SVIL: variants seen among roughly 807,000 people sequenced by gnomAD.
SVIL encodes the protein supervillin.
Under a neutral mutation model 240.4 loss-of-function variants are expected in SVIL, and 101 were observed. The ratio of observed to expected loss-of-function variants is 0.42; its 90% CI spans 0.36 to 0.50. SVIL has a LOEUF of 0.50. Ranked by LOEUF, SVIL falls within the 20% of genes least tolerant of loss-of-function variation. The pLI, the probability that SVIL is intolerant of heterozygous loss-of-function variation, is 0.01. For synonymous variants in SVIL, 999 were observed against 1,100.0 expected, an observed-to-expected ratio of 0.91 and a Z score of 1.82; for missense variants, 2,512 against 2,818.7, an observed-to-expected ratio of 0.89 and a Z score of 2.46.
chr10:29,733,365 C>T (rs1447609995), intron 1 of SVIL, among the ~76,000 whole-genome samples: 1 of 152,112 alleles, frequency 6.6e-6, no homozygotes, highest in African/African-American at 2.4e-5. Context: ...AGCTCTGTTG[C>T]CCAGGCTGGA....
intron 23 of SVIL, among the ~76,000 whole-genome samples, chr10:29,488,001 A>G (rs1460506882): frequency 6.6e-6 from 1 of 152,150 alleles, no homozygotes; most frequent in Admixed American, 6.5e-5. Flanking sequence ...TCAAGGATTC[A>G]TCTATACAGT....
intron 31 of SVIL, 118 bp from the exon 32 acceptor site, chr10:29,470,601 C>G: frequency 8.6e-7 from 1 of 1,166,216 alleles, no homozygotes; most frequent in Non-Finnish European, 1.2e-6. Context: ...GGGCCAGGGA[C>G]TTAGGGGACT....
intron 1 of SVIL, among the ~76,000 whole-genome samples, chr10:29,581,074 TG>T (rs1348830755): frequency 6.6e-6 from 1 of 152,234 alleles, no homozygotes; most frequent in Non-Finnish European, 1.5e-5. Context: ...ATGATTTTAA[TG>T]AAATCTACTA....
chr10:29,510,491 G>T (rs1300834733), intron 17 of SVIL, among the ~76,000 whole-genome samples: 1 of 149,986 alleles, frequency 6.7e-6, no homozygotes, highest in Non-Finnish European at 1.5e-5. Context: ...TCCACAGACT[G>T]CACACTCACG....
At chr10:29,615,174 G>C (rs911276222) in intron 1 of SVIL, among the ~76,000 whole-genome samples, 5 of 152,038 alleles carry the variant, frequency 3.3e-5, no homozygotes, top group African/African-American at 1.2e-4. Flanking sequence ...TTAAGAAACA[G>C]ACCAAACAAT....
In SVIL at chr10:29,664,683, T is replaced by TAC. The variant is rs1232086098; in HGVS notation, c.-300-6616_-300-6615insGT. On this transcript the variant is annotated intron_variant, in intron 2 of 35. Coordinates refer to the SVIL transcript ENST00000375400. ...ATTTTATATTTCGTAATTTTATATA[T>TAC]ATATATATACACACACACACACACA... 6.2e-4 allele frequency among the ~76,000 whole-genome samples: 88 copies of TAC among 142,184 alleles called. No individual in the cohort carries two copies. In the Middle Eastern group the frequency reaches 0.011, roughly 18 times the overall value. The allele number at this position is 142,184 out of a possible 152,430, so 93.3% of individuals were successfully genotyped here.
chr10:29,584,598 A>G (rs1436909562), intron 1 of SVIL, among the ~76,000 whole-genome samples: 1 of 152,200 alleles, frequency 6.6e-6, no homozygotes, highest in Non-Finnish European at 1.5e-5. Flanking sequence ...TCTCCCCTGT[A>G]TGCAAGCCCA....
intron 1 of SVIL, among the ~76,000 whole-genome samples, chr10:29,570,360 T>G (rs1955330977): frequency 6.6e-6 from 1 of 152,212 alleles, no homozygotes; most frequent in Admixed American, 6.5e-5. Context: ...TCAAGTCACT[T>G]CCCAATAGTG....
At position 29,474,007 on chromosome 10, in the gene SVIL, C is replaced by T. The variant is rs1564471092; in HGVS notation, c.5378-18G>A. Reference sequence around the variant, plus strand: ...ACTTCCCACTGCAAACACAGAATGGCAGAGGGACAGGTCAGCAGCTGAGAC... The same window carrying T: ...ACTTCCCACTGCAAACACAGAATGGTAGAGGGACAGGTCAGCAGCTGAGAC... On this transcript the variant is annotated intron_variant, in intron 29 of 37. Coordinates refer to ENST00000355867, the MANE Select transcript of SVIL (RefSeq NM_021738.3). 1 of 1,610,504 alleles carries T rather than the reference C, an allele frequency of 6.2e-7. No homozygotes were observed. The highest frequency in any genetic ancestry group is 8.5e-7 in the Non-Finnish European group (1 of 1,178,650).
At chr10:29,678,450 G>A (rs1300591582) in intron 2 of SVIL, among the ~76,000 whole-genome samples, 2 of 152,142 alleles carry the variant, frequency 1.3e-5, no homozygotes, top group Non-Finnish European at 2.9e-5. Flanking sequence ...AGGGGGAAAT[G>A]CAAGCAATGG....
chr10:29,620,821 G>T (rs1957604000), intron 1 of SVIL, among the ~76,000 whole-genome samples: 1 of 152,132 alleles, frequency 6.6e-6, no homozygotes, highest in Non-Finnish European at 1.5e-5. Flanking sequence ...GTTTCACCAT[G>T]TTGGCCAGGC....
chr10:29,545,951 C>T (rs1564614746), intron 6 of SVIL, among the ~76,000 whole-genome samples: 1 of 151,858 alleles, frequency 6.6e-6, no homozygotes, highest in African/African-American at 2.4e-5. Context: ...CACATAGTTC[C>T]CTGAGAACAG....
At chr10:29,603,422 G>A (rs1050903687) in intron 1 of SVIL, among the ~76,000 whole-genome samples, 15 of 152,206 alleles carry the variant, frequency 9.9e-5, no homozygotes, top group Non-Finnish European at 4.4e-5. Context: ...ATAAAATGCT[G>A]TATGTACTCA....
rs775215429 is a variant in SVIL at position 29,467,881 on chromosome 10, A to G, written c.5844-6T>C. ...GTCCTGCTTCCAGGGGACATCTGCA[A>G]GGGAGAAACTCCAAGAGTTCTTTAT... On this transcript the variant is annotated splice_polypyrimidine_tract_variant and splice_region_variant and intron_variant, in intron 32 of 37. Transcript: ENST00000355867. 5 of 1,614,002 alleles carry G rather than the reference A, an allele frequency of 3.1e-6. No individual in the cohort carries two copies. In the African/African-American group the frequency reaches 6.7e-5, roughly 22 times the overall value.
intron 17 of SVIL, chr10:29,508,081 G>A: frequency 3.5e-6 from 1 of 286,854 alleles, no homozygotes; most frequent in Non-Finnish European, 6.9e-6. Flanking sequence ...CAGTTACAGA[G>A]AGAGGAACCA....
chr10:29,733,151 C>T (rs994578386), intron 1 of SVIL, among the ~76,000 whole-genome samples: 14 of 152,186 alleles, frequency 9.2e-5, no homozygotes, highest in African/African-American at 3.4e-4. Context: ...AACTACTTTA[C>T]CTCTCTGGAT....
At chr10:29,540,767 G>A (rs1387888822) in intron 6 of SVIL, among the ~76,000 whole-genome samples, 2 of 152,170 alleles carry the variant, frequency 1.3e-5, no homozygotes, top group African/African-American at 2.4e-5. Flanking sequence ...CTCTAGTGCC[G>A]TTTCCACCGT....
intron 1 of SVIL, among the ~76,000 whole-genome samples, chr10:29,577,857 A>G (rs1180177137): frequency 3.3e-5 from 5 of 152,222 alleles, no homozygotes; most frequent in Non-Finnish European, 7.3e-5. Context: ...TGTAAATTTA[A>G]CCAATTAGAT....
chr10:29,598,823 G>A (rs11007664), intron 1 of SVIL, among the ~76,000 whole-genome samples: 4,742 of 152,244 alleles, frequency 0.031, 239 homozygotes, highest in African/African-American at 0.11. Context: ...TGGCCACAGC[G>A]GCTGTGTAGA....
Sources: gnomAD v4.1 joint callset for allele counts (sites outside exome capture counted in the v4.1 genomes callset) on GRCh38, gnomAD v4.1.1 for gene constraint, MANE v1.5 for transcripts, NCBI Gene and HGNC (gene_info 2026-07-23, HGNC 2026-07-21) for gene names.